LRMDA: variants seen among roughly 807,000 people sequenced by gnomAD.
LRMDA encodes the protein leucine rich melanocyte differentiation associated.
A neutral mutation model predicts 29.8 loss-of-function variants in LRMDA; 18 were observed. That is an observed-to-expected ratio of 0.60 (90% CI 0.42 to 0.90). The LOEUF is 0.90. Ranked by LOEUF, LRMDA falls within the 40% of genes least tolerant of loss-of-function variation. LRMDA has a pLI of 0.00. For missense variants in LRMDA, 273 were observed against 273.9 expected (o/e 1.00, Z 0.02); for synonymous variants, 125 against 109.4 (o/e 1.14, Z -0.89).
intron 5 of LRMDA, among the ~76,000 whole-genome samples, chr10:76,099,044 T>C (rs1849356900): frequency 6.6e-6 from 1 of 152,218 alleles, no homozygotes; most frequent in Non-Finnish European, 1.5e-5. Flanking sequence ...TTTACGATAG[T>C]GATGTTATCC....
intron 2 of LRMDA, among the ~76,000 whole-genome samples, chr10:75,486,652 G>T (rs965257461): frequency 2.3e-4 from 35 of 152,134 alleles, no homozygotes; most frequent in Middle Eastern, 3.4e-3. Context: ...GTCTGGGGGG[G>T]GCAACATGAG....
intron 2 of LRMDA, among the ~76,000 whole-genome samples, chr10:75,610,857 G>T (rs752024663): frequency 6.6e-6 from 1 of 152,122 alleles, no homozygotes; most frequent in Non-Finnish European, 1.5e-5. Context: ...TTGGCCCAAC[G>T]TAGGCTAAAT....
chr10:75,667,020 G>GT (rs950638332), intron 2 of LRMDA, among the ~76,000 whole-genome samples: 19 of 152,172 alleles, frequency 1.2e-4, no homozygotes, highest in African/African-American at 4.6e-4. Context: ...GCGTGTATGG[G>GT]TGTGGATATT....
At chr10:76,072,417 C>T (rs1848889788) in intron 5 of LRMDA, among the ~76,000 whole-genome samples, 1 of 152,122 alleles carries the variant, frequency 6.6e-6, no homozygotes, top group South Asian at 2.1e-4. Flanking sequence ...CATCTGACAC[C>T]AGTGCTTGGC....
At chr10:76,140,732 C>T (rs901542643) in intron 5 of LRMDA, among the ~76,000 whole-genome samples, 4 of 152,016 alleles carry the variant, frequency 2.6e-5, no homozygotes. Flanking sequence ...TGAAGCTTCT[C>T]GAGAAGAATG....
At chr10:75,545,298 A>G (rs146640767) in intron 2 of LRMDA, among the ~76,000 whole-genome samples, 9 of 152,298 alleles carry the variant, frequency 5.9e-5, no homozygotes, top group South Asian at 2.1e-4. Context: ...CTGTTAATCA[A>G]GTGTTACGGA....
At chr10:76,374,586 G>C (rs901104193) in intron 6 of LRMDA, among the ~76,000 whole-genome samples, 5 of 152,162 alleles carry the variant, frequency 3.3e-5, no homozygotes, top group African/African-American at 9.7e-5. Context: ...ACGCTCAGTT[G>C]AATATAGCAG....
chr10:76,366,977 TG>T (rs1841398484), intron 6 of LRMDA, among the ~76,000 whole-genome samples: 1 of 152,248 alleles, frequency 6.6e-6, no homozygotes, highest in Admixed American at 6.5e-5. Context: ...TGCTGGGTTT[TG>T]TTGAGTGCTT....
chr10:76,084,370 T>G (rs1024286968), intron 5 of LRMDA, among the ~76,000 whole-genome samples: 236 of 107,660 alleles, frequency 2.2e-3, no homozygotes, highest in Middle Eastern at 4.1e-3. Context: ...GCTAATTTTT[T>G]TTTTTTTTTT....
intron 2 of LRMDA, among the ~76,000 whole-genome samples, chr10:75,592,445 G>A (rs143162480): frequency 0.015 from 2,360 of 152,326 alleles, 57 homozygotes; most frequent in African/African-American, 0.054. Flanking sequence ...CTGAGAGGAC[G>A]TGCAAAGTAT....
At chr10:75,625,992 C>T (rs1841245065) in intron 2 of LRMDA, among the ~76,000 whole-genome samples, 1 of 151,908 alleles carries the variant, frequency 6.6e-6, no homozygotes, top group Non-Finnish European at 1.5e-5. Flanking sequence ...GCTGGAACTA[C>T]AGTCATGCCT....
chr10:76,226,356 G>T (rs1415558283), intron 5 of LRMDA, among the ~76,000 whole-genome samples: 1 of 152,096 alleles, frequency 6.6e-6, no homozygotes, highest in African/African-American at 2.4e-5. Context: ...GCTGAAGCGG[G>T]TGGATCACCT....
chr10:76,311,145 T>A (rs1840624660), intron 5 of LRMDA, among the ~76,000 whole-genome samples: 2 of 152,204 alleles, frequency 1.3e-5, no homozygotes, highest in Non-Finnish European at 2.9e-5. Context: ...AGCCAGTATT[T>A]GACTCTGTTT....
At chr10:75,493,849 G>A (rs1744285780) in intron 2 of LRMDA, among the ~76,000 whole-genome samples, 1 of 151,888 alleles carries the variant, frequency 6.6e-6, no homozygotes, top group African/African-American at 2.4e-5. Flanking sequence ...CATCTAATTA[G>A]GTAGCTCCTG....
intron 6 of LRMDA, among the ~76,000 whole-genome samples, chr10:76,532,271 G>A (rs962535864): frequency 6.6e-6 from 1 of 152,088 alleles, no homozygotes; most frequent in African/African-American, 2.4e-5. Flanking sequence ...GTGAGAACAT[G>A]CACAAACCTC....
Position 75,498,387 on chromosome 10 carries a change from G to A in LRMDA, c.131+59893G>A, listed in dbSNP as rs72807489. Among the ~76,000 whole-genome samples the A allele has an allele frequency of 3.0e-3, 463 of 152,302 alleles. 3 individuals are homozygous for A. Among genetic ancestry groups the A allele is most frequent in the Non-Finnish European group, 5.1e-3 (349 of 68,020 alleles). On this transcript the variant is annotated intron_variant, in intron 2 of 6. Coordinates refer to ENST00000611255, the MANE Select transcript of LRMDA (RefSeq NM_001305581.2). ...TGTGGCTGCAGGAAGGGTGCTCCAC[G>A]GACTAGGCAAGGATAGCTGTATTCT...
At chr10:76,389,734 T>G (rs1243254801) in intron 6 of LRMDA, among the ~76,000 whole-genome samples, 1 of 143,072 alleles carries the variant, frequency 7.0e-6, no homozygotes, top group African/African-American at 3.0e-5. Flanking sequence ...TATGTGGACT[T>G]TTGTGCTTAC....
chr10:75,550,633 A>G (rs1220209517), intron 2 of LRMDA, among the ~76,000 whole-genome samples: 1 of 151,780 alleles, frequency 6.6e-6, no homozygotes, highest in Non-Finnish European at 1.5e-5. Flanking sequence ...TTTAATTTGG[A>G]ATGTTTAGGC....
At chr10:75,609,409 A>G (rs1425686391) in intron 2 of LRMDA, among the ~76,000 whole-genome samples, 1 of 152,176 alleles carries the variant, frequency 6.6e-6, no homozygotes, top group Non-Finnish European at 1.5e-5. Context: ...AATAATCACC[A>G]ATGAGCTTCA....
Sources: gnomAD v4.1 joint callset for allele counts (sites outside exome capture counted in the v4.1 genomes callset) on GRCh38, gnomAD v4.1.1 for gene constraint, MANE v1.5 for transcripts, NCBI Gene and HGNC (gene_info 2026-07-23, HGNC 2026-07-21) for gene names.